CASP10: variants seen among roughly 807,000 people sequenced by gnomAD.
The protein encoded by CASP10 is caspase-10.
Under a neutral mutation model 48.5 loss-of-function variants are expected in CASP10, and 41 were observed. The observed-to-expected ratio is 0.85, with a 90% CI of 0.66 to 1.10. The LOEUF is 1.10. Among genes scored for constraint, CASP10 ranks in the 50% least tolerant of loss-of-function variants. The pLI, the probability that CASP10 is intolerant of heterozygous loss-of-function variation, is 0.00. For missense variants in CASP10, 614 were observed against 614.5 expected (o/e 1.00, Z 0.01); for synonymous variants, 232 against 238.4 (o/e 0.97, Z 0.25).
At chr2:201,193,171 C>T in intron 4 of CASP10, 52 bp downstream of exon 4, 1 of 1,562,646 alleles carries the variant, frequency 6.4e-7, no homozygotes, top group African/African-American at 1.4e-5. Context: ...ATTCTTAAAC[C>T]AATTGGCCAT....
chr2:201,228,773 G>A (rs1348375156), intron 9 of CASP10, among the ~76,000 whole-genome samples: 2 of 152,188 alleles, frequency 1.3e-5, no homozygotes, highest in Admixed American at 1.3e-4. Context: ...TAAAAAAATA[G>A]ACTGCTCCAT....
chr2:201,197,164 A>T (rs1192660390), intron 5 of CASP10, among the ~76,000 whole-genome samples: 1 of 150,166 alleles, frequency 6.7e-6, no homozygotes, highest in East Asian at 1.9e-4. Flanking sequence ...TTTTATAGAG[A>T]TAAGGTTTTG....
chr2:201,203,064 C>A (rs1266375526), intron 5 of CASP10, among the ~76,000 whole-genome samples: 1 of 152,132 alleles, frequency 6.6e-6, no homozygotes, highest in South Asian at 2.1e-4. Context: ...GACAGCATCC[C>A]CTGGAGAAGG....
chr2:201,214,941 T>C (rs1365787248), intron 9 of CASP10: 1 of 152,134 alleles, frequency 6.6e-6, no homozygotes, highest in African/African-American at 2.4e-5. Context: ...CTTATGTAAA[T>C]AGAGGGCATT....
At chr2:201,216,494 G>T (rs1050334479) in intron 9 of CASP10, among the ~76,000 whole-genome samples, 1 of 152,122 alleles carries the variant, frequency 6.6e-6, no homozygotes, top group African/African-American at 2.4e-5. Flanking sequence ...ACAGACACAG[G>T]AAGATTTGGG....
chr2:201,229,389 T>A, exon 10 of CASP10: 1 of 451,382 alleles, frequency 2.2e-6, no homozygotes, highest in Admixed American at 3.8e-5. Flanking sequence ...TTTCACACTG[T>A]CCCCCAAACT....
intron 9 of CASP10, among the ~76,000 whole-genome samples, chr2:201,210,282 C>T (rs1576129585): frequency 1.3e-5 from 2 of 152,216 alleles, no homozygotes; most frequent in African/African-American, 4.8e-5. Flanking sequence ...TCCATGAAAA[C>T]GTCTCCAAAG....
intron 2 of CASP10, among the ~76,000 whole-genome samples, chr2:201,186,857 T>C (rs2126006902): frequency 6.6e-6 from 1 of 152,200 alleles, no homozygotes; most frequent in East Asian, 1.9e-4. Flanking sequence ...TGGCTAATTT[T>C]TGTATTTTTA....
intron 1 of CASP10, 143 bp from the exon 2 acceptor site, chr2:201,185,628 G>C: frequency 1.5e-6 from 1 of 663,754 alleles, no homozygotes; most frequent in Non-Finnish European, 2.7e-6. Context: ...AAGTAGCCTC[G>C]CCGTAATTTT....
At chr2:201,204,338 C>T (rs879360382) in intron 6 of CASP10, among the ~76,000 whole-genome samples, 11 of 152,106 alleles carry the variant, frequency 7.2e-5, no homozygotes, top group Non-Finnish European at 1.3e-4. Context: ...AAGTTTGTCA[C>T]AGACCATTCC....
intron 9 of CASP10, among the ~76,000 whole-genome samples, chr2:201,210,496 T>A (rs1321454671): frequency 6.6e-6 from 1 of 152,256 alleles, no homozygotes; most frequent in Non-Finnish European, 1.5e-5. Flanking sequence ...ACATTCAGCA[T>A]GCATGTTTCT....
At chr2:201,184,323 GTTGTT>G (rs1476575427) in intron 1 of CASP10, among the ~76,000 whole-genome samples, 1 of 151,506 alleles carries the variant, frequency 6.6e-6, no homozygotes, top group Non-Finnish European at 1.5e-5. Flanking sequence ...TTTTTTTGTT[GTTGTT>G]TTGTTTTGTT....
intron 9 of CASP10, chr2:201,214,257 C>T (rs963511474): frequency 6.6e-5 from 10 of 151,972 alleles, no homozygotes; most frequent in African/African-American, 1.9e-4. Context: ...GTTACCCCAT[C>T]GGGTGATAAT....
chr2:201,225,730 G>GGGA (rs1945779343), downstream of CASP10, among the ~76,000 whole-genome samples: 1 of 152,188 alleles, frequency 6.6e-6, no homozygotes, highest in Non-Finnish European at 1.5e-5. Context: ...CCAGAACTTT[G>GGGA]GGAGGCCGAG....
At position 201,217,834 on chromosome 2, in the gene CASP10, G is replaced by T. The variant is rs780624364; in HGVS notation, c.*93G>T. ...GCACAGGAATCGGTGGTCTCCACCT[G>T]TCATTCTAGAAACAGGAAACACCGT... On this transcript the variant is annotated 3_prime_UTR_variant, in exon 10 of 10. Coordinates refer to ENST00000286186, the MANE Select transcript of CASP10 (RefSeq NM_032977.4). 11 of 1,610,646 alleles carry T rather than the reference G, an allele frequency of 6.8e-6. No homozygotes were observed. Among genetic ancestry groups the T allele is most frequent in the Non-Finnish European group, 8.5e-6 (10 of 1,178,348 alleles).
At position 201,192,965 on chromosome 2, in the gene CASP10, T is replaced by C. The variant is rs1200207183; in HGVS notation, c.442-19T>C. On this transcript the variant is annotated intron_variant, in intron 3 of 9. Transcript: ENST00000286186. ...TAATCAATAGGCAAGTAAATGTAAC[T>C]CTATTGATTCTCTTGTAGACCTCCC... is the stretch of plus-strand genomic sequence containing the variant. 6.2e-7 allele frequency: 1 copy of C among 1,611,438 alleles called. No homozygotes were observed. Among genetic ancestry groups the C allele is most frequent in the Non-Finnish European group, 8.5e-7 (1 of 1,178,120 alleles).
Position 201,205,940 on chromosome 2 carries a change from T to A in CASP10, c.780T>A (p.Ser260=). Residue 260 remains serine, a synonymous_variant, in exon 7 of 10, where the codon TCT becomes TCA. Transcript: ENST00000286186. Reference sequence around the variant, plus strand: ...TCTCCAGGGGGATGCAAGGAGCATCTGCTAACACTCTAAACTCTGAAACCA... The same window carrying A: ...TCTCCAGGGGGATGCAAGGAGCATCAGCTAACACTCTAAACTCTGAAACCA... ...SLVSRGMQGA[S]ANTLNSETST... 6.2e-7 allele frequency: 1 copy of A among 1,613,242 alleles called. No homozygotes were observed. The highest frequency in any genetic ancestry group is 8.5e-7 in the Non-Finnish European group (1 of 1,179,224).
At position 201,200,297 on chromosome 2, in the gene CASP10, T is replaced by C. The variant is rs1181641871; in HGVS notation, c.685-3433T>C. 5 of 677,158 alleles carry C rather than the reference T, an allele frequency of 7.4e-6. No individual in the cohort carries two copies. In the East Asian group the frequency reaches 8.2e-5, roughly 11 times the overall value. 41.9% of individuals were successfully genotyped at this position (677,158 alleles called of 1,614,324 possible). ...TGCACATGAAAAGTTTCCCCCTAGA[T>C]TGAGCGTCTGCTGATGATTCTTGTG... On this transcript the variant is annotated intron_variant, in intron 5 of 9. Coordinates refer to ENST00000286186, the MANE Select transcript of CASP10 (RefSeq NM_032977.4).
chr2:201,199,795 G>T (rs937617861), intron 5 of CASP10, among the ~76,000 whole-genome samples: 3 of 151,858 alleles, frequency 2.0e-5, no homozygotes, highest in African/African-American at 7.3e-5. Flanking sequence ...GGCTGGTCTC[G>T]TACTCCTGAC....
Sources: allele counts gnomAD v4.1 joint callset (sites outside exome capture counted in the v4.1 genomes callset), GRCh38; gene constraint gnomAD v4.1.1; transcripts MANE v1.5; gene names NCBI Gene and HGNC (gene_info 2026-07-23, HGNC 2026-07-21).